Variants in COX7B2 observed in about 807,000 individuals in gnomAD.
COX7B2 encodes cytochrome c oxidase subunit 7B2, mitochondrial.
For synonymous variants in COX7B2, 37 were observed against 32.1 expected, an observed-to-expected ratio of 1.15 and a Z score of -0.51; for missense variants, 109 against 95.9, an observed-to-expected ratio of 1.14 and a Z score of -0.57.
chr4:46,766,210 C>G (rs902963509), intron 2 of COX7B2, among the ~76,000 whole-genome samples: 2 of 152,084 alleles, frequency 1.3e-5, no homozygotes, highest in Non-Finnish European at 2.9e-5. Context: ...ATAAAACACC[C>G]CATAAGGTGT....
chr4:46,743,403 T>C (rs1265103438), intron 2 of COX7B2, among the ~76,000 whole-genome samples: 1 of 152,140 alleles, frequency 6.6e-6, no homozygotes, highest in African/African-American at 2.4e-5. Context: ...TCTCAGAAAC[T>C]GATGTATAAA....
In COX7B2 at chr4:46,797,015, C is replaced by T. The variant is rs542412605; in HGVS notation, c.-50+47945G>A. Among the ~76,000 whole-genome samples, 49 of 84,204 alleles carry T rather than the reference C, an allele frequency of 5.8e-4. 1 individual carries two copies. Among genetic ancestry groups the T allele is most frequent in the African/African-American group, 2.4e-3 (39 of 16,182 alleles). The allele number at this position is 84,204 out of a possible 152,430, so 55.2% of individuals were successfully genotyped here. ...CTAGATGACACATTAGTGGGTGCAG[C>T]GCACAAGCATGGCACATGTATACAT... On this transcript the variant is annotated intron_variant, in intron 2 of 2. Transcript: ENST00000355591.
At chr4:46,786,540 T>C (rs1400221201) in intron 2 of COX7B2, among the ~76,000 whole-genome samples, 2 of 152,220 alleles carry the variant, frequency 1.3e-5, no homozygotes, top group Non-Finnish European at 2.9e-5. Flanking sequence ...AATAGTCACT[T>C]GTACAATATC....
chr4:46,755,488 A>G (rs1560356389), intron 2 of COX7B2, among the ~76,000 whole-genome samples: 1 of 152,114 alleles, frequency 6.6e-6, no homozygotes, highest in South Asian at 2.1e-4. Context: ...AGAGAAAAAA[A>G]TAATAGGCAT....
chr4:46,782,487 G>GTGTCTAGCTCAAGGT (rs1278576908), intron 2 of COX7B2, among the ~76,000 whole-genome samples: 19 of 152,066 alleles, frequency 1.2e-4, no homozygotes, highest in South Asian at 2.1e-4. Context: ...TCAGCTCTCT[G>GTGTCTAGCTCAAGGT]TAAAATGGGC....
chr4:46,797,554 G>A (rs893390040), intron 2 of COX7B2, among the ~76,000 whole-genome samples: 12 of 152,122 alleles, frequency 7.9e-5, no homozygotes, highest in African/African-American at 2.7e-4. Context: ...GAAGCCAAGC[G>A]GAAGCCACTA....
intron 2 of COX7B2, among the ~76,000 whole-genome samples, chr4:46,755,008 G>A (rs138348373): frequency 2.0e-5 from 3 of 150,032 alleles, no homozygotes; most frequent in African/African-American, 7.3e-5. Context: ...AAGAAAACAT[G>A]CAGTGATGAA....
In COX7B2 at chr4:46,790,655, C is replaced by A. The variant is rs570775021; in HGVS notation, c.-50+54305G>T. Among the ~76,000 whole-genome samples the A allele has an allele frequency of 2.6e-3, 401 of 152,230 alleles. 1 individual carries two copies. Among genetic ancestry groups the A allele is most frequent in the Non-Finnish European group, 4.8e-3 (327 of 68,030 alleles). On this transcript the variant is annotated intron_variant, in intron 2 of 2. Coordinates refer to ENST00000355591, the MANE Select transcript of COX7B2 (RefSeq NM_130902.3). ...TAATTATTTTTAGCCTGTATCTGTT[C>A]TGGGTCCCCATATCCACCTGGACTT...
At chr4:46,810,080 C>A (rs1389958028) in intron 2 of COX7B2, among the ~76,000 whole-genome samples, 1 of 152,008 alleles carries the variant, frequency 6.6e-6, no homozygotes. Flanking sequence ...TTACAATTTG[C>A]ATCTAATATC....
At chr4:46,897,604 T>C (rs1355578) in intron 1 of COX7B2, among the ~76,000 whole-genome samples, 78,606 of 151,974 alleles carry the variant, frequency 0.52, 20,520 homozygotes, top group East Asian at 0.66. Flanking sequence ...ATGCACCCCT[T>C]GGTAATCCCT....
chr4:46,787,495 A>AG (rs966127925), intron 2 of COX7B2, among the ~76,000 whole-genome samples: 2 of 152,112 alleles, frequency 1.3e-5, no homozygotes, highest in African/African-American at 4.8e-5. Context: ...GCTCTTTCAT[A>AG]CCTCATTTGG....
At chr4:46,748,985 C>A (rs970718054) in intron 2 of COX7B2, among the ~76,000 whole-genome samples, 1 of 152,138 alleles carries the variant, frequency 6.6e-6, no homozygotes, top group African/African-American at 2.4e-5. Flanking sequence ...AACTTCCTTC[C>A]CAACATTTCT....
At chr4:46,795,714 T>C (rs1718291740) in intron 2 of COX7B2, among the ~76,000 whole-genome samples, 2 of 16,286 alleles carry the variant, frequency 1.2e-4, no homozygotes, top group Non-Finnish European at 2.0e-4. Context: ...AACTTTAAAG[T>C]AGTTTTTTCC....
intron 1 of COX7B2, among the ~76,000 whole-genome samples, chr4:46,908,923 A>G (rs772028016): frequency 1.3e-4 from 20 of 151,996 alleles, no homozygotes; most frequent in Non-Finnish European, 2.6e-4. Flanking sequence ...GGGCCCCTGT[A>G]GTCCCAGCTA....
chr4:46,804,278 G>C (rs942402698), intron 2 of COX7B2, among the ~76,000 whole-genome samples: 1 of 152,180 alleles, frequency 6.6e-6, no homozygotes, highest in African/African-American at 2.4e-5. Context: ...ACCGCAAAGA[G>C]CGAAAGAACG....
chr4:46,740,678 T>C (rs1230512527), intron 2 of COX7B2, among the ~76,000 whole-genome samples: 1 of 152,072 alleles, frequency 6.6e-6, no homozygotes, highest in Non-Finnish European at 1.5e-5. Context: ...TAGTTAACTA[T>C]TGATGGCAAT....
chr4:46,798,626 C>T (rs1718483936), intron 2 of COX7B2, among the ~76,000 whole-genome samples: 1 of 152,156 alleles, frequency 6.6e-6, no homozygotes, highest in South Asian at 2.1e-4. Flanking sequence ...TAGCTCTTGG[C>T]CTGCTACTGG....
chr4:46,813,571 G>A (rs1375301992), intron 2 of COX7B2, among the ~76,000 whole-genome samples: 1 of 152,182 alleles, frequency 6.6e-6, no homozygotes, highest in Non-Finnish European at 1.5e-5. Flanking sequence ...GGAGGGCAAG[G>A]AAAGGGAGAG....
intron 2 of COX7B2, among the ~76,000 whole-genome samples, chr4:46,804,914 G>A (rs979556995): frequency 6.6e-6 from 1 of 152,220 alleles, no homozygotes; most frequent in Non-Finnish European, 1.5e-5. Context: ...GGCTGCGTGG[G>A]AGCCCACAGC....
Sources: allele counts gnomAD v4.1 joint callset (sites outside exome capture counted in the v4.1 genomes callset), GRCh38; gene constraint gnomAD v4.1.1; transcripts MANE v1.5; gene names NCBI Gene and HGNC (gene_info 2026-07-23, HGNC 2026-07-21).